The following ZFHX3 variants were observed in gnomAD, a reference collection of about 807,000 sequenced individuals.
The protein encoded by ZFHX3 is zinc finger homeobox 3.
ZFHX3 carries 42 observed loss-of-function variants against 279.1 expected under a neutral mutation model. The observed-to-expected ratio is 0.15, with a 90% CI of 0.12 to 0.19. The LOEUF is 0.19. ZFHX3 is among the 10% of genes least tolerant of loss of function. The pLI is 1.00. For synonymous variants in ZFHX3, 2,293 were observed against 1,957.8 expected (o/e 1.17, Z -4.52); for missense variants, 4,981 against 4,754.0 (o/e 1.05, Z -1.40).
Position 73,534,967 on chromosome 16 carries a change from G to T in ZFHX3, c.-1546-78709C>A, listed in dbSNP as rs2019870307. Among the ~76,000 whole-genome samples, 3 of 152,200 alleles carry T rather than the reference G, an allele frequency of 2.0e-5. No homozygotes were observed. The South Asian group carries it at 6.2e-4, about 32-fold the overall frequency. On this transcript the variant is annotated intron_variant, in intron 2 of 17. Coordinates refer to the ZFHX3 transcript ENST00000641206. ...GCCCTTTTCACGGGGAGAGGAAGCA[G>T]GCCCCATAGCCACCTAGAGGGGATT... is the stretch of plus-strand genomic sequence containing the variant.
At chr16:72,965,222 A>G (rs937982345) in intron 1 of ZFHX3, among the ~76,000 whole-genome samples, 2 of 152,194 alleles carry the variant, frequency 1.3e-5, no homozygotes, top group African/African-American at 4.8e-5. Context: ...ACACTAGAAC[A>G]TCCCTACATC....
At chr16:73,214,952 A>T (rs193064396) in intron 5 of ZFHX3, among the ~76,000 whole-genome samples, 4 of 143,248 alleles carry the variant, frequency 2.8e-5, no homozygotes, top group African/African-American at 5.1e-5. Context: ...TTTTCCTTTA[A>T]GAAGGCCACA....
intron 7 of ZFHX3, among the ~76,000 whole-genome samples, chr16:73,104,798 T>C (rs935152874): frequency 6.6e-6 from 1 of 152,182 alleles, no homozygotes; most frequent in African/African-American, 2.4e-5. Context: ...TTCAGAAGCC[T>C]TCCTTGGCCA....
At chr16:73,700,763 G>GT (rs1259204107) in intron 1 of ZFHX3, among the ~76,000 whole-genome samples, 1 of 152,156 alleles carries the variant, frequency 6.6e-6, no homozygotes, top group African/African-American at 2.4e-5. Context: ...TAATTAAAAT[G>GT]TAACAATAAG....
chr16:72,852,885 T>TA (rs1398271316), intron 4 of ZFHX3, among the ~76,000 whole-genome samples: 1 of 152,228 alleles, frequency 6.6e-6, no homozygotes, highest in Non-Finnish European at 1.5e-5. Context: ...AGTCATTAGT[T>TA]AAACTATCCG....
At chr16:73,224,606 G>A (rs1009207621) in intron 5 of ZFHX3, among the ~76,000 whole-genome samples, 5 of 152,160 alleles carry the variant, frequency 3.3e-5, no homozygotes, top group Non-Finnish European at 7.3e-5. Context: ...GGCCAAAAGA[G>A]TCTCATTTAT....
chr16:73,748,654 C>T (rs982187004), intron 1 of ZFHX3, among the ~76,000 whole-genome samples: 21 of 152,186 alleles, frequency 1.4e-4, no homozygotes, highest in Non-Finnish European at 2.6e-4. Flanking sequence ...ATTCATTTTG[C>T]TGCCTAGCTA....
intron 8 of ZFHX3, among the ~76,000 whole-genome samples, chr16:73,066,832 G>C (rs1005458010): frequency 6.6e-6 from 1 of 152,162 alleles, no homozygotes; most frequent in African/African-American, 2.4e-5. Context: ...GTTCTCGCCG[G>C]GCTGCCTAGT....
At chr16:73,767,147 G>T (rs2142288716) in intron 1 of ZFHX3, among the ~76,000 whole-genome samples, 1 of 152,122 alleles carries the variant, frequency 6.6e-6, no homozygotes, top group Non-Finnish European at 1.5e-5. Context: ...ATGTTGGCCA[G>T]GATGGTTTCG....
intron 5 of ZFHX3, among the ~76,000 whole-genome samples, chr16:73,229,065 T>C (rs928605837): frequency 3.9e-5 from 6 of 152,152 alleles, no homozygotes; most frequent in Admixed American, 1.3e-4. Flanking sequence ...CTGTAAGTAA[T>C]AGAATATTAG....
intron 1 of ZFHX3, among the ~76,000 whole-genome samples, chr16:73,700,982 G>A (rs981875299): frequency 6.6e-6 from 1 of 152,006 alleles, no homozygotes; most frequent in Non-Finnish European, 1.5e-5. Flanking sequence ...TTTAAGCAAA[G>A]GACTCTGTTC....
chr16:73,841,169 A>G (rs866954294), intron 1 of ZFHX3, among the ~76,000 whole-genome samples: 1 of 152,168 alleles, frequency 6.6e-6, no homozygotes, highest in African/African-American at 2.4e-5. Flanking sequence ...CCCTCACCCC[A>G]TACCAGCCAG....
At chr16:73,249,044 T>A (rs939378658) in intron 5 of ZFHX3, among the ~76,000 whole-genome samples, 4 of 152,206 alleles carry the variant, frequency 2.6e-5, no homozygotes, top group Non-Finnish European at 5.9e-5. Flanking sequence ...AGCTCACAAG[T>A]GTCAGTGGTC....
At chr16:72,930,046 C>T (rs950986988) in intron 3 of ZFHX3, among the ~76,000 whole-genome samples, 5 of 152,124 alleles carry the variant, frequency 3.3e-5, no homozygotes, top group East Asian at 1.9e-4. Flanking sequence ...GGTGAAACTC[C>T]GTCTCCACTG....
intron 4 of ZFHX3, among the ~76,000 whole-genome samples, chr16:72,860,358 T>C (rs780098862): frequency 1.4e-4 from 21 of 151,904 alleles, no homozygotes; most frequent in Admixed American, 1.3e-4. Context: ...CTGCCCGCTT[T>C]CCCCCCTCTT....
intron 1 of ZFHX3, among the ~76,000 whole-genome samples, chr16:73,730,288 TG>T (rs1317886050): frequency 6.9e-6 from 1 of 145,068 alleles, no homozygotes; most frequent in Non-Finnish European, 1.5e-5. Flanking sequence ...GGTTTTTTTA[TG>T]GCTCAAATTC....
At chr16:73,690,621 AT>A (rs1434446683) in intron 1 of ZFHX3, among the ~76,000 whole-genome samples, 1 of 152,200 alleles carries the variant, frequency 6.6e-6, no homozygotes, top group Non-Finnish European at 1.5e-5. Context: ...CACCCCTTGA[AT>A]CTGGGCATGA....
intron 1 of ZFHX3, among the ~76,000 whole-genome samples, chr16:73,690,082 T>G (rs1214509372): frequency 6.6e-6 from 1 of 152,060 alleles, no homozygotes; most frequent in East Asian, 1.9e-4. Flanking sequence ...GTCTGGCTAA[T>G]TTTTTTGTAC....
At chr16:73,092,613 C>G (rs1195723452) in intron 8 of ZFHX3, 2 of 243,048 alleles carry the variant, frequency 8.2e-6, no homozygotes, top group African/African-American at 2.3e-5. Flanking sequence ...ATCAAATAGA[C>G]GCCTTCATAG....
Sources: allele counts gnomAD v4.1 joint callset (sites outside exome capture counted in the v4.1 genomes callset), GRCh38; gene constraint gnomAD v4.1.1; transcripts MANE v1.5; gene names NCBI Gene and HGNC (gene_info 2026-07-23, HGNC 2026-07-21).